The following NPC2 variants were observed in gnomAD, a reference collection of about 807,000 sequenced individuals.
NPC2 encodes the protein Niemann-Pick disease type C2 protein.
A neutral mutation model predicts 17.0 loss-of-function variants in NPC2; 14 were observed. That is an observed-to-expected ratio of 0.82 (90% CI 0.54 to 1.29). NPC2 has a LOEUF of 1.29. Ranked by LOEUF, NPC2 falls within the 50% of genes most tolerant of loss-of-function variation. The pLI is 0.00. For missense variants in NPC2, 167 were observed against 183.4 expected, an observed-to-expected ratio of 0.91 and a Z score of 0.52; for synonymous variants, 75 against 69.3, an observed-to-expected ratio of 1.08 and a Z score of -0.41.
In NPC2 at chr14:74,479,960, A is replaced by C; in HGVS notation, c.*314T>G. On this transcript the variant is annotated 3_prime_UTR_variant, in exon 5 of 5. Coordinates refer to ENST00000555619, the MANE Select transcript of NPC2 (RefSeq NM_006432.5). ...CCACATGCAGAAGACAAGACAAACG[A>C]GTTTTTATTTATTCAAGAGTAAATT... The C allele has an allele frequency of 7.6e-7, 1 of 1,314,120 alleles. No homozygotes were observed. Among genetic ancestry groups the C allele is most frequent in the Non-Finnish European group, 9.8e-7 (1 of 1,024,524 alleles). The allele number at this position is 1,314,120 out of a possible 1,614,324, so 81.4% of individuals were successfully genotyped here.
At chr14:74,483,687 A>C (rs576715040) in intron 3 of NPC2, among the ~76,000 whole-genome samples, 37 of 152,332 alleles carry the variant, frequency 2.4e-4, no homozygotes, top group African/African-American at 8.9e-4. Flanking sequence ...GAGAAAAAAA[A>C]CTGCTCTGTG....
chr14:74,487,269 TTTTTG>T lies in NPC2; in HGVS notation c.83-838_83-834del, dbSNP rs1209829831. On this transcript the variant is annotated intron_variant, in intron 1 of 4. Transcript: ENST00000555619. ...CTCCCTGTTTTGTTTTTGTGGTTTT[TTTTTG>T]TTTTTTTTTTTTGAGACAGGGTCTC... 5.5e-5 allele frequency among the ~76,000 whole-genome samples: 8 copies of T among 145,936 alleles called. 1 individual carries two copies. The highest frequency in any genetic ancestry group is 1.4e-4 in the Admixed American group (2 of 14,718).
chr14:74,483,850 T>A (rs1194905051), intron 3 of NPC2, among the ~76,000 whole-genome samples: 1 of 152,344 alleles, frequency 6.6e-6, no homozygotes, highest in East Asian at 1.9e-4. Flanking sequence ...TTCCTCCCTA[T>A]CAAGCACTAA....
chr14:74,483,209 T>C (rs532300211), intron 3 of NPC2: 2 of 863,824 alleles, frequency 2.3e-6, no homozygotes. Flanking sequence ...TTTGCACTAG[T>C]ATATTCAGTC....
In NPC2 at chr14:74,484,538, G is replaced by A. The variant is rs773836291; in HGVS notation, c.240C>T (p.Gly80=). The change falls in exon 3 of 5, where the codon GGC becomes GGT. Residue 80 remains glycine (G), a synonymous_variant. Transcript: ENST00000555619. ...CAGGAATGGGAAAGGGAACTGGGAC[G>A]CCCATCAGGATGCCATGCACCACGG... ...SKAVVHGILM[G]VPVPFPIPEP... is the part of the protein sequence containing the mutation. The A allele has an allele frequency of 6.2e-6, 10 of 1,613,918 alleles. No individual in the cohort carries two copies. Among genetic ancestry groups the A allele is most frequent in the East Asian group, 2.2e-5 (1 of 44,894 alleles).
chr14:74,480,643 T>C (rs2086646317), intron 4 of NPC2, 59 bp downstream of exon 4: 1 of 1,362,994 alleles, frequency 7.3e-7, no homozygotes, highest in African/African-American at 1.4e-5. Flanking sequence ...AGTTTCAGTC[T>C]GATTTCTCCT....
At position 74,491,166 on chromosome 14, in the gene NPC2, G is replaced by A. The variant is rs540020007; in HGVS notation, c.82+2027C>T. ...TGGCTCACTGTAACCTCCACCTCCCGGGTTCAAGCGATTCTCCTGCCTCAG... is the reference window on the plus strand; with the variant it reads ...TGGCTCACTGTAACCTCCACCTCCCAGGTTCAAGCGATTCTCCTGCCTCAG... On this transcript the variant is annotated intron_variant, in intron 1 of 4. Coordinates refer to ENST00000555619, the MANE Select transcript of NPC2 (RefSeq NM_006432.5). 4.5e-4 allele frequency among the ~76,000 whole-genome samples: 69 copies of A among 152,188 alleles called. No individual in the cohort carries two copies. The South Asian group carries it at 5.0e-3, about 11-fold the overall frequency.
intron 1 of NPC2, among the ~76,000 whole-genome samples, chr14:74,489,926 A>G (rs1443125123): frequency 1.3e-5 from 2 of 152,266 alleles, no homozygotes; most frequent in African/African-American, 2.4e-5. Flanking sequence ...AGTGTTTGGA[A>G]CATAGTGATA....
At chr14:74,483,007 G>C (rs2086670979) in intron 3 of NPC2, 1 of 872,744 alleles carries the variant, frequency 1.1e-6, no homozygotes, top group Non-Finnish European at 1.9e-6. Context: ...TTCAGGAGGT[G>C]TTGGGCAGTC....
chr14:74,481,480 A>T (rs1458007907), intron 3 of NPC2, among the ~76,000 whole-genome samples: 1 of 152,268 alleles, frequency 6.6e-6, no homozygotes, highest in East Asian at 1.9e-4. Flanking sequence ...GGACTAACAC[A>T]TGAAGGCTTA....
intron 2 of NPC2, among the ~76,000 whole-genome samples, chr14:74,485,630 C>T (rs2086705263): frequency 6.6e-6 from 1 of 152,094 alleles, no homozygotes; most frequent in South Asian, 2.1e-4. Flanking sequence ...ATGACAGGAA[C>T]TTTGAGGTTT....
chr14:74,492,157 C>G (rs1176312058), intron 1 of NPC2, among the ~76,000 whole-genome samples: 1 of 152,106 alleles, frequency 6.6e-6, no homozygotes, highest in Non-Finnish European at 1.5e-5. Flanking sequence ...AAGCCCATAC[C>G]CGCCAAATTA....
Position 74,493,185 on chromosome 14 carries a change from G to C in NPC2, c.82+8C>G, listed in dbSNP as rs1190614957. Reference sequence around the variant, plus strand: ...GGCGCGGGAACCTTGGGCGGGCCTGGGGCTCACCGCAGTCCTTGAACTGCA... The same window carrying C: ...GGCGCGGGAACCTTGGGCGGGCCTGCGGCTCACCGCAGTCCTTGAACTGCA... On this transcript the variant is annotated splice_region_variant and intron_variant, in intron 1 of 4. Coordinates refer to ENST00000555619, the MANE Select transcript of NPC2 (RefSeq NM_006432.5). The surrounding 1 kb of genome is among the most constrained non-coding windows in gnomAD (Gnocchi z 4.1). 18 of 1,605,254 alleles carry C rather than the reference G, an allele frequency of 1.1e-5. No individual in the cohort carries two copies. The Admixed American group carries it at 3.1e-4, about 27-fold the overall frequency.
Position 74,493,026 on chromosome 14 carries a change from G to A in NPC2, c.82+167C>T, listed in dbSNP as rs2086792032. Reference sequence around the variant, plus strand: ...GTTGTGCGCGGTCGGGTTTCATGGAGGCCGGCGCCTTCTCCCCCGACCCAG... The same window carrying A: ...GTTGTGCGCGGTCGGGTTTCATGGAAGCCGGCGCCTTCTCCCCCGACCCAG... On this transcript the variant is annotated intron_variant, in intron 1 of 4. Coordinates refer to ENST00000555619, the MANE Select transcript of NPC2 (RefSeq NM_006432.5). The surrounding 1 kb of genome is among the most constrained non-coding windows in gnomAD (Gnocchi z 4.1). 6.6e-6 allele frequency among the ~76,000 whole-genome samples: 1 copy of A among 152,230 alleles called. No homozygotes were observed. Among genetic ancestry groups the A allele is most frequent in the Non-Finnish European group, 1.5e-5 (1 of 68,038 alleles).
chr14:74,484,341 C>T, intron 3 of NPC2, 74 bp downstream of exon 3: 1 of 1,516,186 alleles, frequency 6.6e-7, no homozygotes, highest in Non-Finnish European at 9.2e-7. Flanking sequence ...CCCATCTCTG[C>T]TTCTTGCCCA....
At chr14:74,490,179 G>C in intron 1 of NPC2, among the ~76,000 whole-genome samples, 1 of 152,238 alleles carries the variant, frequency 6.6e-6, no homozygotes, top group Non-Finnish European at 1.5e-5. Context: ...TATGCAGTCA[G>C]TCACCAGATT....
chr14:74,484,276 C>G (rs1023160125), intron 3 of NPC2, 139 bp downstream of exon 3: 2 of 896,120 alleles, frequency 2.2e-6, no homozygotes, highest in Admixed American at 1.8e-5. Flanking sequence ...AACACCGCAC[C>G]TATCTCCTTT....
rs61395005 is a variant in NPC2, at chr14:74,485,294, C to CAAAAAAAAAAAAAAAA, written c.191-723_191-708dup. Among the ~76,000 whole-genome samples, 34 of 71,326 alleles carry CAAAAAAAAAAAAAAAA rather than the reference C, an allele frequency of 4.8e-4. 1 individual carries two copies. The highest frequency in any genetic ancestry group is 2.0e-3 in the African/African-American group (26 of 12,900). The allele number at this position is 71,326 out of a possible 152,430, so 46.8% of individuals were successfully genotyped here. ...TGGGTGACAGAGCGAGACTCTGTCACAAAAAAAAAAAAAAAAAAAAAAAAA... is the reference window on the plus strand; with the variant it reads ...TGGGTGACAGAGCGAGACTCTGTCACAAAAAAAAAAAAAAAAAAAAAAAAAAAAAAAAAAAAAAAAA... On this transcript the variant is annotated intron_variant, in intron 2 of 4. Transcript: ENST00000555619.
In NPC2 at chr14:74,493,113, A is replaced by AGCCCC; in HGVS notation, c.82+75_82+79dup. 1 of 1,520,354 alleles carries AGCCCC rather than the reference A, an allele frequency of 6.6e-7. No homozygotes were observed. The highest frequency in any genetic ancestry group is 1.2e-5 in the South Asian group (1 of 83,236). The allele number at this position is 1,520,354 out of a possible 1,614,324, so 94.2% of individuals were successfully genotyped here. A position where few individuals can be genotyped will look rare whatever the true frequency, so the allele number is the denominator to read the frequency against. On this transcript the variant is annotated intron_variant, in intron 1 of 4. Coordinates refer to ENST00000555619, the MANE Select transcript of NPC2 (RefSeq NM_006432.5). The surrounding 1 kb of genome is among the most constrained non-coding windows in gnomAD (Gnocchi z 4.1). The stretch of plus-strand genomic sequence containing the variant: ...GCCGCCCGAGGGATCCGCCCAGCCC[A>AGCCCC]GCCCCAGGGGTCTCAGCGCGGGGGT...
Sources: gnomAD v4.1 joint callset for allele counts (sites outside exome capture counted in the v4.1 genomes callset) on GRCh38, gnomAD v4.1.1 for gene constraint, Gnocchi (gnomAD v3.1) non-coding constraint, MANE v1.5 for transcripts, NCBI Gene and HGNC (gene_info 2026-07-23, HGNC 2026-07-21) for gene names.